TGM4: variants seen among roughly 807,000 people sequenced by gnomAD.
TGM4 encodes the protein protein-glutamine gamma-glutamyltransferase 4.
Under a neutral mutation model 76.3 loss-of-function variants are expected in TGM4, and 61 were observed. The observed-to-expected ratio is 0.80, with a 90% CI of 0.65 to 0.99. TGM4 has a LOEUF of 0.99. Among genes scored for constraint, TGM4 ranks in the 50% least tolerant of loss-of-function variants. TGM4 has a pLI of 0.00. For missense variants in TGM4, 794 were observed against 843.2 expected (o/e 0.94, Z 0.72); for synonymous variants, 337 against 329.8 (o/e 1.02, Z -0.24).
At chr3:44,879,501 C>G (rs1044033231) in intron 1 of TGM4, among the ~76,000 whole-genome samples, 2 of 138,030 alleles carry the variant, frequency 1.4e-5, no homozygotes, top group Admixed American at 1.5e-4. Context: ...GAGACAGAGT[C>G]TCACTCTGTC....
At chr3:44,898,325 C>T (rs1170166115) in intron 6 of TGM4, among the ~76,000 whole-genome samples, 1 of 151,424 alleles carries the variant, frequency 6.6e-6, no homozygotes, top group African/African-American at 2.4e-5. Flanking sequence ...AGGAATATTC[C>T]CATAGCCTTT....
Position 44,901,505 on chromosome 3 carries a change from AC to A in TGM4, c.658-15del, listed in dbSNP as rs756616022. ...CTTCTGAGGGGCGGACACTGACCCCACCCCTACGTGTGTGGCAGATGAGCTT... is the reference window on the plus strand; with the variant it reads ...CTTCTGAGGGGCGGACACTGACCCCACCCTACGTGTGTGGCAGATGAGCTT... On this transcript the variant is annotated intron_variant, in intron 6 of 13. Coordinates refer to ENST00000296125, the MANE Select transcript of TGM4 (RefSeq NM_003241.4). 5 of 1,590,866 alleles carry A rather than the reference AC, an allele frequency of 3.1e-6. No homozygotes were observed. The highest frequency in any genetic ancestry group is 4.3e-6 in the Non-Finnish European group (5 of 1,164,754).
chr3:44,875,193 G>A (rs1055967169), intron 1 of TGM4, among the ~76,000 whole-genome samples: 4 of 152,182 alleles, frequency 2.6e-5, no homozygotes, highest in African/African-American at 9.7e-5. Context: ...ATTTTATGCA[G>A]ATTTCATCAA....
At chr3:44,904,078 G>A in intron 9 of TGM4, 91 bp downstream of exon 9, 1 of 1,151,948 alleles carries the variant, frequency 8.7e-7, no homozygotes, top group Non-Finnish European at 1.3e-6. Flanking sequence ...AGCCAAGCAG[G>A]TGGGGAAAGT....
At chr3:44,879,226 G>A (rs939178354) in intron 1 of TGM4, among the ~76,000 whole-genome samples, 45 of 100,238 alleles carry the variant, frequency 4.5e-4, no homozygotes, top group Non-Finnish European at 6.8e-4. Flanking sequence ...TTTTGACTTG[G>A]CTATTTTATG....
intron 1 of TGM4, among the ~76,000 whole-genome samples, chr3:44,879,101 G>A (rs970802350): frequency 6.6e-6 from 1 of 150,768 alleles, no homozygotes; most frequent in Non-Finnish European, 1.5e-5. Context: ...TTTTCATTTT[G>A]AGAACCATAT....
chr3:44,888,009 A>G (rs1699636613), intron 3 of TGM4: 1 of 556,266 alleles, frequency 1.8e-6, no homozygotes, highest in South Asian at 2.3e-5. Context: ...AACCTCCTAC[A>G]TGTCACCCTT....
chr3:44,910,456 T>A (rs1699988381), intron 11 of TGM4, 88 bp downstream of exon 11: 1 of 1,463,352 alleles, frequency 6.8e-7, no homozygotes, highest in African/African-American at 1.4e-5. Flanking sequence ...ACAACTTCCA[T>A]ACATTGATAA....
At chr3:44,908,487 A>C (rs1041085625) in intron 10 of TGM4, among the ~76,000 whole-genome samples, 6 of 151,996 alleles carry the variant, frequency 3.9e-5, no homozygotes, top group Non-Finnish European at 8.8e-5. Flanking sequence ...GTGTCTGTCA[A>C]CTGCTACACT....
At chr3:44,877,477 A>G (rs116200734) in intron 1 of TGM4, among the ~76,000 whole-genome samples, 2,966 of 152,070 alleles carry the variant, frequency 0.02, 47 homozygotes, top group Middle Eastern at 0.065. Flanking sequence ...AATTAGCCAG[A>G]CATGGTGGTG....
intron 1 of TGM4, among the ~76,000 whole-genome samples, chr3:44,875,530 A>G (rs930311461): frequency 2.0e-5 from 3 of 152,096 alleles, no homozygotes; most frequent in Admixed American, 2.0e-4. Flanking sequence ...GCAGCCGCCT[A>G]CCACCACCAA....
Position 44,893,274 on chromosome 3 carries a change from A to T in TGM4, c.431-303A>T, listed in dbSNP as rs946853555. Among the ~76,000 whole-genome samples the T allele has an allele frequency of 5.9e-5, 9 of 151,478 alleles. No individual in the cohort carries two copies. In the South Asian group the frequency reaches 1.9e-3, roughly 32 times the overall value. On this transcript the variant is annotated intron_variant, in intron 4 of 13. Transcript: ENST00000296125. ...CAGAGTCCTCCCTTCACTCCCATCT[A>T]CCTCTCTCTTCCATCTGTATGGACT...
chr3:44,879,237 G>GTCTCTCTC (rs377695202), intron 1 of TGM4, among the ~76,000 whole-genome samples: 2 of 118,076 alleles, frequency 1.7e-5, no homozygotes, highest in African/African-American at 6.5e-5. Flanking sequence ...CTATTTTATG[G>GTCTCTCTC]TCTCTCTCTC....
intron 13 of TGM4, among the ~76,000 whole-genome samples, chr3:44,912,012 G>T (rs560628889): frequency 6.6e-6 from 1 of 152,118 alleles, no homozygotes; most frequent in East Asian, 1.9e-4. Flanking sequence ...TGTATTTTTA[G>T]TAGAAACGGG....
In TGM4 at chr3:44,906,932, C is replaced by G. The variant is rs1328031180; in HGVS notation, c.1076-17C>G. 8 of 1,611,086 alleles carry G rather than the reference C, an allele frequency of 5.0e-6. No individual in the cohort carries two copies. Among genetic ancestry groups the G allele is most frequent in the Non-Finnish European group, 6.8e-6 (8 of 1,178,076 alleles). The stretch of plus-strand genomic sequence containing the variant: ...GGGGAACCCCACTGAGAGTGACCAC[C>G]CCTGGCTTCCCCTCAGGTGTCTTCT... On this transcript the variant is annotated splice_polypyrimidine_tract_variant and intron_variant, in intron 9 of 13. Transcript: ENST00000296125.
chr3:44,875,526 G>A (rs968688614), intron 1 of TGM4, among the ~76,000 whole-genome samples: 6 of 152,148 alleles, frequency 3.9e-5, no homozygotes, highest in African/African-American at 7.2e-5. Flanking sequence ...GGATGCAGCC[G>A]CCTACCACCA....
At chr3:44,895,403 G>T (rs1484427753) in intron 5 of TGM4, among the ~76,000 whole-genome samples, 1 of 152,214 alleles carries the variant, frequency 6.6e-6, no homozygotes, top group Non-Finnish European at 1.5e-5. Flanking sequence ...AAGGTGGGAG[G>T]ATGGCTTGAG....
intron 1 of TGM4, among the ~76,000 whole-genome samples, chr3:44,879,292 ATTTAATTTAATTAATT>A (rs1699498469): frequency 8.8e-6 from 1 of 113,828 alleles, no homozygotes; most frequent in Non-Finnish European, 1.9e-5. Flanking sequence ...TATATAGTTT[ATTTAATTTAATTAATT>A]TATTTATTTA....
intron 1 of TGM4, among the ~76,000 whole-genome samples, chr3:44,882,494 G>T (rs955083092): frequency 1.3e-5 from 2 of 152,182 alleles, no homozygotes; most frequent in East Asian, 1.9e-4. Flanking sequence ...CAAAATGTCC[G>T]CAGGGTCCTG....
Sources: gnomAD v4.1 joint callset for allele counts (sites outside exome capture counted in the v4.1 genomes callset) on GRCh38, gnomAD v4.1.1 for gene constraint, MANE v1.5 for transcripts, NCBI Gene and HGNC (gene_info 2026-07-23, HGNC 2026-07-21) for gene names.